Variants in FSIP2 observed in about 807,000 individuals in gnomAD.
FSIP2 encodes the protein fibrous sheath interacting protein 2.
A neutral mutation model predicts 510.5 loss-of-function variants in FSIP2; 367 were observed. That is an observed-to-expected ratio of 0.72 (90% confidence interval 0.66 to 0.78). The LOEUF is 0.78. Among genes scored for constraint, FSIP2 ranks in the 30% least tolerant of loss-of-function variants. The probability of loss-of-function intolerance (pLI) is 0.00; values close to 1 mark genes in which losing one functional copy is unlikely to be tolerated. For synonymous variants in FSIP2, 2,601 were observed against 2,732.2 expected (o/e 0.95, Z 1.50); for missense variants, 7,594 against 7,901.7 (o/e 0.96, Z 1.48).
Position 185,813,753 on chromosome 2 carries a change from G to T in FSIP2, c.20036G>T (p.Gly6679Val). ...ACACAGACTTTTGCAAAAGAAGAAG[G>T]CATCAAAGTATTTGAAGATCAAGTG... Reference protein sequence around the residue: ...VLTQTFAKEEGIKVFEDQVKE... With the variant: ...VLTQTFAKEEVIKVFEDQVKE... The change falls in exon 18 of 23, where the codon GGC (glycine) becomes GTC (valine). Residue 6679 changes from glycine to valine, a missense_variant. Transcript: ENST00000424728. The T allele has an allele frequency of 6.2e-7, 1 of 1,612,330 alleles. No individual in the cohort carries two copies.
intron 19 of FSIP2, among the ~76,000 whole-genome samples, chr2:185,816,633 T>C (rs1341525042): frequency 1.3e-5 from 2 of 151,720 alleles, no homozygotes; most frequent in Non-Finnish European, 2.9e-5. Context: ...AGGCCAGGAG[T>C]TTGAAGCCAG....
In FSIP2 at chr2:185,804,051, T is replaced by C. The variant is rs1175708640; in HGVS notation, c.14745T>C (p.Asp4915=). The C allele has an allele frequency of 2.6e-6, 4 of 1,517,488 alleles. No homozygotes were observed. The highest frequency in any genetic ancestry group is 2.8e-5 in the African/African-American group (2 of 72,260). 94.0% of individuals were successfully genotyped at this position (1,517,488 alleles called of 1,614,324 possible). The change falls in exon 17 of 23, where the codon GAT becomes GAC. Residue 4915 remains aspartate, a synonymous_variant. Coordinates refer to ENST00000424728, the MANE Select transcript of FSIP2 (RefSeq NM_173651.4). ...ATATTCAATCATTTTTATCTGAAGATAAAACTCTCCTTTTGGCAGCAGTTG... is the reference window on the plus strand; with the variant it reads ...ATATTCAATCATTTTTATCTGAAGACAAAACTCTCCTTTTGGCAGCAGTTG... The part of the protein sequence containing the change: ...NHHIQSFLSE[D]KTLLLAAVDQ...
chr2:185,784,458 AG>A lies in FSIP2; in HGVS notation c.1469+1697del, dbSNP rs1692921269. 2.0e-5 allele frequency among the ~76,000 whole-genome samples: 3 copies of A among 152,236 alleles called. 1 individual carries two copies. The South Asian group carries it at 6.2e-4, about 32-fold the overall frequency. ...ACACCAATATATAGGAAAAATTGAA[AG>A]AAAGAAACTCAGAACCAGCTCCCAA... On this transcript the variant is annotated intron_variant, in intron 14 of 22. Transcript: ENST00000424728.
At chr2:185,754,349 G>A (rs764038745) in intron 8 of FSIP2, among the ~76,000 whole-genome samples, 6 of 151,288 alleles carry the variant, frequency 4.0e-5, no homozygotes, top group Non-Finnish European at 5.9e-5. Context: ...TTTTCGCTTC[G>A]ATATTAGATA....
intron 13 of FSIP2, chr2:185,765,551 G>A (rs1312836640): frequency 6.6e-6 from 1 of 152,060 alleles, no homozygotes; most frequent in Admixed American, 6.6e-5. Context: ...CTGTAGCCTT[G>A]TAGTATAGTT....
chr2:185,774,734 C>T (rs1278372352), intron 13 of FSIP2, among the ~76,000 whole-genome samples: 1 of 111,182 alleles, frequency 9.0e-6, no homozygotes, highest in Non-Finnish European at 1.8e-5. Flanking sequence ...CTCCCCCCTC[C>T]CCCCACCCCA....
At chr2:185,752,320 A>G (rs907426272) in intron 7 of FSIP2, among the ~76,000 whole-genome samples, 4 of 150,058 alleles carry the variant, frequency 2.7e-5, no homozygotes, top group Non-Finnish European at 6.0e-5. Flanking sequence ...ATTTTTCTCT[A>G]TGTAACATGA....
In FSIP2 at chr2:185,790,776, G is replaced by A. The variant is rs1250618910; in HGVS notation, c.3640G>A (p.Ala1214Thr). ...TGACACTGAACACATAGTCAAAGAA[G>A]CACCAAATAAATACCCATTAAAAAC... ...NSDTEHIVKE[A>T]PNKYPLKTWF... is the part of the protein sequence containing the mutation. The change falls in exon 16 of 23, where the codon GCA becomes ACA. Residue 1214 changes from alanine to threonine, a missense_variant. Coordinates refer to ENST00000424728, the MANE Select transcript of FSIP2 (RefSeq NM_173651.4). 6.5e-7 allele frequency: 1 copy of A among 1,531,808 alleles called. No individual in the cohort carries two copies. Among genetic ancestry groups the A allele is most frequent in the African/African-American group, 1.4e-5 (1 of 72,644 alleles). 94.9% of individuals were successfully genotyped at this position (1,531,808 alleles called of 1,614,324 possible).
At chr2:185,745,681 C>A in intron 5 of FSIP2, 113 bp downstream of exon 5, 2 of 922,344 alleles carry the variant, frequency 2.2e-6, no homozygotes, top group Non-Finnish European at 3.0e-6. Flanking sequence ...CTCCTGGATC[C>A]CTCAGAGTGT....
In FSIP2 at chr2:185,803,646, A is replaced by G. The variant is rs969360473; in HGVS notation, c.14340A>G (p.Gln4780=). Residue 4780 remains glutamine (Q), a synonymous_variant, in exon 17 of 23, where the codon CAA becomes CAG. Coordinates refer to ENST00000424728, the MANE Select transcript of FSIP2 (RefSeq NM_173651.4). ...YDISKSRFQR[Q]ASTMYTTMLS... ...TAAGTAAATCAAGATTCCAAAGACA[A>G]GCTTCAACAATGTATACCACTATGT... 33 of 1,529,264 alleles carry G rather than the reference A, an allele frequency of 2.2e-5. No individual in the cohort carries two copies. The African/African-American group carries it at 4.0e-4, about 19-fold the overall frequency. 94.7% of individuals were successfully genotyped at this position (1,529,264 alleles called of 1,614,324 possible). A position where few individuals can be genotyped will look rare whatever the true frequency, so the allele number is the denominator to read the frequency against.
chr2:185,744,520 G>A, intron 4 of FSIP2, 109 bp downstream of exon 4: 1 of 259,948 alleles, frequency 3.8e-6, no homozygotes, highest in Non-Finnish European at 7.2e-6. Flanking sequence ...TATTGACAAA[G>A]TAATTGAATA....
Position 185,797,339 on chromosome 2 carries a change from A to C in FSIP2, c.10203A>C (p.Glu3401Asp). 3 of 1,527,188 alleles carry C rather than the reference A, an allele frequency of 2.0e-6. No individual in the cohort carries two copies. Among genetic ancestry groups the C allele is most frequent in the Non-Finnish European group, 2.6e-6 (3 of 1,144,440 alleles). The allele number at this position is 1,527,188 out of a possible 1,614,324, so 94.6% of individuals were successfully genotyped here. A position where few individuals can be genotyped will look rare whatever the true frequency, so the allele number is the denominator to read the frequency against. The change falls in exon 16 of 23, where the codon GAA becomes GAC. Residue 3401 changes from glutamate (E) to aspartate (D), a missense_variant. Physicochemically the swap from Glu to Asp is conservative, Grantham distance 45. Coordinates refer to ENST00000424728, the MANE Select transcript of FSIP2 (RefSeq NM_173651.4). ...YIPEEENENL[E>D]ASREDSSFLQ... ...CTGAGGAAGAAAATGAAAACCTTGA[A>C]GCCAGCCGGGAAGATTCTTCTTTTT... is the stretch of plus-strand genomic sequence containing the variant.
chr2:185,809,156 G>A (rs769602414), intron 17 of FSIP2, 23 bp downstream of exon 17: 2 of 1,517,794 alleles, frequency 1.3e-6, no homozygotes, highest in Non-Finnish European at 1.8e-6. Context: ...GCAATGGCAT[G>A]AAAATGAGTG....
chr2:185,743,179 G>C lies in FSIP2; in HGVS notation c.272G>C (p.Arg91Pro). The change falls in exon 3 of 23, where the codon CGA (arginine) becomes CCA (proline). Residue 91 changes from arginine (R) to proline (P), a missense_variant. Coordinates refer to ENST00000424728, the MANE Select transcript of FSIP2 (RefSeq NM_173651.4). Reference sequence around the variant, plus strand: ...TTTAACCTGACTGATCCCTATTGTCGACTTTTGGAAAACCAATATAAAAGC... The same window carrying C: ...TTTAACCTGACTGATCCCTATTGTCCACTTTTGGAAAACCAATATAAAAGC... ...YGFNLTDPYC[R>P]LLENQYKSLH... 6.6e-7 allele frequency: 1 copy of C among 1,524,670 alleles called. No homozygotes were observed. Among genetic ancestry groups the C allele is most frequent in the Non-Finnish European group, 8.8e-7 (1 of 1,142,366 alleles). 94.4% of individuals were successfully genotyped at this position (1,524,670 alleles called of 1,614,324 possible).
chr2:185,779,871 T>G (rs913731862), intron 13 of FSIP2, among the ~76,000 whole-genome samples: 3 of 151,970 alleles, frequency 2.0e-5, no homozygotes, highest in African/African-American at 7.2e-5. Flanking sequence ...AAATTGTCTT[T>G]ATCCTTGTAT....
rs1245778585 is a variant in FSIP2, at chr2:185,796,583, T to C, written c.9447T>C (p.Ala3149=). Residue 3149 remains alanine (A), a synonymous_variant, in exon 16 of 23, where the codon GCT becomes GCC. Coordinates refer to ENST00000424728, the MANE Select transcript of FSIP2 (RefSeq NM_173651.4). ...NLSRESLFQG[A]ENAYTVNQVE... is the part of the protein sequence containing the mutation. ...CAAGAGAAAGTTTGTTCCAAGGAGC[T>C]GAAAATGCCTACACTGTTAATCAGG... 4.6e-6 allele frequency: 7 copies of C among 1,535,032 alleles called. No individual in the cohort carries two copies. Among genetic ancestry groups the C allele is most frequent in the Non-Finnish European group, 5.2e-6 (6 of 1,146,196 alleles).
chr2:185,745,862 C>G (rs543941046), intron 5 of FSIP2, among the ~76,000 whole-genome samples: 1 of 152,136 alleles, frequency 6.6e-6, no homozygotes, highest in Admixed American at 6.6e-5. Context: ...CAAACAGTAA[C>G]AGCTTTTTAA....
intron 17 of FSIP2, among the ~76,000 whole-genome samples, chr2:185,813,165 G>A (rs1693769476): frequency 6.6e-6 from 1 of 151,950 alleles, no homozygotes; most frequent in African/African-American, 2.4e-5. Flanking sequence ...TTGAAAATAT[G>A]TGTATTTAGA....
In FSIP2 at chr2:185,800,898, A is replaced by G. The variant is rs776873677; in HGVS notation, c.11592A>G (p.Glu3864=). Residue 3864 remains glutamate (E), a synonymous_variant, in exon 17 of 23, where the codon GAA becomes GAG. Transcript: ENST00000424728. ...CTCACAGCATACAACAAGCTCCGGA[A>G]AGTCTACCTTTTGCAAATAAGCATT... ...KLSHSIQQAP[E]SLPFANKHLN... The G allele has an allele frequency of 2.0e-6, 3 of 1,533,464 alleles. No individual in the cohort carries two copies. The highest frequency in any genetic ancestry group is 2.4e-5 in the South Asian group (2 of 83,820). The allele number at this position is 1,533,464 out of a possible 1,614,324, so 95.0% of individuals were successfully genotyped here. A position where few individuals can be genotyped will look rare whatever the true frequency, so the allele number is the denominator to read the frequency against.
Sources: gnomAD v4.1 joint callset for allele counts (sites outside exome capture counted in the v4.1 genomes callset) on GRCh38, gnomAD v4.1.1 for gene constraint, MANE v1.5 for transcripts, NCBI Gene and HGNC (gene_info 2026-07-23, HGNC 2026-07-21) for gene names.